Variants in SLC12A3 observed in about 807,000 individuals in gnomAD.
SLC12A3 encodes Na-Cl cotransporter.
A neutral mutation model predicts 121.0 loss-of-function variants in SLC12A3; 104 were observed. The observed-to-expected ratio is 0.86, with a 90% confidence interval of 0.73 to 1.01. The LOEUF (loss-of-function observed/expected upper bound fraction) is 1.01, where lower values mean the gene tolerates loss of function less well. SLC12A3 is among the 50% of genes least tolerant of loss of function. The probability of loss-of-function intolerance (pLI) is 0.00; values close to 1 mark genes in which losing one functional copy is unlikely to be tolerated. For synonymous variants in SLC12A3, 536 were observed against 533.4 expected (o/e 1.00, Z -0.07); for missense variants, 1,328 against 1,356.3 (o/e 0.98, Z 0.33).
At chr16:56,870,501 T>G (rs1441210752) in intron 5 of SLC12A3, 125 bp from the exon 6 acceptor site, 1 of 785,114 alleles carries the variant, frequency 1.3e-6, no homozygotes. Flanking sequence ...ATGGCAGGGG[T>G]GGTGCTTGAG....
At chr16:56,865,568 C>T (rs778782903) in intron 1 of SLC12A3, 51 bp downstream of exon 1, 2 of 1,578,158 alleles carry the variant, frequency 1.3e-6, no homozygotes, top group South Asian at 1.1e-5. Flanking sequence ...TGACCTCGAC[C>T]CAGCTACCTA....
intron 2 of SLC12A3, among the ~76,000 whole-genome samples, 163 bp downstream of exon 2, chr16:56,867,379 C>T (rs1210245933): frequency 6.6e-6 from 1 of 152,182 alleles, no homozygotes; most frequent in Non-Finnish European, 1.5e-5. Context: ...AGATTAAAGC[C>T]TGCCGGGGAG....
Position 56,905,288 on chromosome 16 carries a change from G to A in SLC12A3, c.2924+826G>A, listed in dbSNP as rs3794653. 1.5e-4 allele frequency among the ~76,000 whole-genome samples: 22 copies of A among 142,934 alleles called. No homozygotes were observed. In the East Asian group the frequency reaches 3.2e-3, roughly 21 times the overall value. The allele number at this position is 142,934 out of a possible 152,430, so 93.8% of individuals were successfully genotyped here. On this transcript the variant is annotated intron_variant, in intron 25 of 25. Transcript: ENST00000563236. ...TGGGAGGCAGAGGTTGCGGTGAGCC[G>A]AGGTTGCCCCATTTCACTCCAGCCT...
At chr16:56,876,113 T>C (rs967075613) in intron 8 of SLC12A3, among the ~76,000 whole-genome samples, 2 of 152,062 alleles carry the variant, frequency 1.3e-5, no homozygotes, top group African/African-American at 4.8e-5. Context: ...TTCTGGTGGC[T>C]GCTGACAGTG....
chr16:56,908,161 CTTTTT>C (rs55644914), intron 25 of SLC12A3, among the ~76,000 whole-genome samples: 11 of 96,992 alleles, frequency 1.1e-4, no homozygotes, highest in African/African-American at 5.0e-4. Context: ...AGTGATATAA[CTTTTT>C]TTTTTTTTTT....
At chr16:56,878,037 T>TC in intron 8 of SLC12A3, 40 bp from the exon 9 acceptor site, 2 of 421,398 alleles carry the variant, frequency 4.7e-6, no homozygotes, top group South Asian at 2.4e-5. Context: ...CCTCCCTCTC[T>TC]CCCTCCCTCC....
chr16:56,885,474 T>C (rs1338609593), intron 15 of SLC12A3, 110 bp downstream of exon 15: 1 of 750,412 alleles, frequency 1.3e-6, no homozygotes, highest in African/African-American at 1.7e-5. Flanking sequence ...CCAGGGTATG[T>C]GCAGCCTCCA....
chr16:56,910,169 T>C (rs1424691956), intron 25 of SLC12A3, among the ~76,000 whole-genome samples: 2 of 152,360 alleles, frequency 1.3e-5, no homozygotes, highest in East Asian at 3.9e-4. Flanking sequence ...ATAGGCCTTA[T>C]GAATTTGCAA....
At chr16:56,872,608 G>T (rs1186959399) in intron 7 of SLC12A3, 48 bp from the exon 8 acceptor site, 2 of 1,613,904 alleles carry the variant, frequency 1.2e-6, no homozygotes, top group South Asian at 1.1e-5. Context: ...CAGCAAGGGG[G>T]GTCAAGCCCT....
rs145664600 is a variant in SLC12A3, at chr16:56,903,885, C to T, written c.2857-510C>T. Among the ~76,000 whole-genome samples, 5 of 152,334 alleles carry T rather than the reference C, an allele frequency of 3.3e-5. No homozygotes were observed. In the East Asian group the frequency reaches 9.6e-4, roughly 29 times the overall value. ...TGTGTCCGAAGAAGACCTTCCAATA[C>T]TCTGTTACAGAAGAAGTGGGGCAAC... On this transcript the variant is annotated intron_variant, in intron 24 of 25. Transcript: ENST00000563236.
At chr16:56,889,215 T>C (rs1482339552) in intron 18 of SLC12A3, among the ~76,000 whole-genome samples, 2 of 152,174 alleles carry the variant, frequency 1.3e-5, no homozygotes, top group South Asian at 4.2e-4. Context: ...GGAGCAATCC[T>C]CTCAGCAGGT....
chr16:56,905,864 C>G (rs535057242), intron 25 of SLC12A3, among the ~76,000 whole-genome samples: 1 of 152,140 alleles, frequency 6.6e-6, no homozygotes, highest in Non-Finnish European at 1.5e-5. Context: ...CATGAAACGT[C>G]AGGGTATCAT....
chr16:56,872,445 G>A lies in SLC12A3; in HGVS notation c.947G>A (p.Gly316Asp). The A allele has an allele frequency of 1.2e-6, 2 of 1,613,758 alleles. No homozygotes were observed. Among genetic ancestry groups the A allele is most frequent in the Non-Finnish European group, 1.7e-6 (2 of 1,179,772 alleles). The change falls in exon 7 of 26, where the codon GGC becomes GAC. Residue 316 changes from glycine (G) to aspartate (D), a missense_variant. Gly to Asp is a moderately conservative substitution (Grantham distance 94). Transcript: ENST00000563236. The part of the protein sequence containing the change: ...IPPSEDKASK[G>D]FFSYRADIFV... ...CCATCTGAGGACAAGGCCTCCAAAG[G>A]CTTCTTCAGCTACCGGGGTATGTGC... is the stretch of plus-strand genomic sequence containing the variant.
chr16:56,891,987 C>T (rs1012706826), intron 19 of SLC12A3, 96 bp from the exon 20 acceptor site: 2 of 959,304 alleles, frequency 2.1e-6, no homozygotes, highest in Middle Eastern at 2.1e-4. Context: ...GGCATCGGGA[C>T]TTTCTTCCTA....
intron 18 of SLC12A3, among the ~76,000 whole-genome samples, chr16:56,888,716 G>A (rs1054441515): frequency 4.0e-5 from 6 of 151,662 alleles, no homozygotes; most frequent in Non-Finnish European, 7.4e-5. Flanking sequence ...CCGCCACCAC[G>A]CCCGGCTAAT....
rs781445054 is a variant in SLC12A3 at position 56,867,176 on chromosome 16, C to T, written c.389C>T (p.Pro130Leu). ...GCAGGCACCAGCAGCGAGAAGAACC[C>T]CGAGGAGCCAGTGCGCTTCGGCTGG... ...GEAGTSSEKN[P>L]EEPVRFGWVK... Residue 130 changes from proline (P) to leucine (L), a missense_variant, in exon 2 of 26, where the codon CCC (proline) becomes CTC (leucine). Physicochemically the swap from Pro to Leu is moderately conservative, Grantham distance 98. Transcript: ENST00000563236. 2 of 1,613,738 alleles carry T rather than the reference C, an allele frequency of 1.2e-6. No homozygotes were observed. The highest frequency in any genetic ancestry group is 1.7e-6 in the Non-Finnish European group (2 of 1,179,912).
At chr16:56,870,768 G>A in intron 6 of SLC12A3, 32 bp downstream of exon 6, 1 of 1,397,252 alleles carries the variant, frequency 7.2e-7, no homozygotes, top group African/African-American at 1.4e-5. Flanking sequence ...GGGACATGGA[G>A]GTGGTCACGT....
chr16:56,890,468 G>C (rs1459629472), intron 19 of SLC12A3, 112 bp downstream of exon 19: 1 of 851,344 alleles, frequency 1.2e-6, no homozygotes, highest in Non-Finnish European at 1.9e-6. Context: ...ATAGAAAGTC[G>C]CCTCTTAATG....
At chr16:56,903,992 A>C (rs1044310686) in intron 24 of SLC12A3, among the ~76,000 whole-genome samples, 1 of 152,170 alleles carries the variant, frequency 6.6e-6, no homozygotes, top group African/African-American at 2.4e-5. Context: ...ATCCTCCCCA[A>C]ATTCCCCTGG....
Sources: allele counts gnomAD v4.1 joint callset (sites outside exome capture counted in the v4.1 genomes callset), GRCh38; gene constraint gnomAD v4.1.1; transcripts MANE v1.5; gene names NCBI Gene and HGNC (gene_info 2026-07-23, HGNC 2026-07-21).